MAML3: variants seen among roughly 807,000 people sequenced by gnomAD.
MAML3 encodes mastermind-like protein 3.
Under a neutral mutation model 101.9 loss-of-function variants are expected in MAML3, and 27 were observed. The ratio of observed to expected loss-of-function variants is 0.27; its 90% confidence interval spans 0.20 to 0.37. MAML3 has a LOEUF of 0.37. MAML3 is among the 10% of genes least tolerant of loss of function. The pLI, the probability that MAML3 is intolerant of heterozygous loss-of-function variation, is 1.00. For synonymous variants in MAML3, 501 were observed against 555.9 expected, an observed-to-expected ratio of 0.90 and a Z score of 1.39; for missense variants, 1,316 against 1,444.9, an observed-to-expected ratio of 0.91 and a Z score of 1.45.
At chr4:140,151,135 T>TCCCTCC (rs1209707550) in intron 1 of MAML3, among the ~76,000 whole-genome samples, 16 of 150,700 alleles carry the variant, frequency 1.1e-4, no homozygotes, top group Admixed American at 6.6e-5. Flanking sequence ...CGCCTCCCGC[T>TCCCTCC]CCCTCCCCCA....
intron 2 of MAML3, among the ~76,000 whole-genome samples, chr4:139,865,957 T>C (rs1357325995): frequency 6.6e-6 from 1 of 152,246 alleles, no homozygotes; most frequent in Non-Finnish European, 1.5e-5. Flanking sequence ...CACACAGCTG[T>C]GTGCACCTCT....
chr4:139,721,921 G>A (rs1579358152), intron 4 of MAML3, among the ~76,000 whole-genome samples: 1 of 152,166 alleles, frequency 6.6e-6, no homozygotes, highest in Non-Finnish European at 1.5e-5. Flanking sequence ...TGGCCAATAA[G>A]ATCAACTGTG....
chr4:139,938,264 G>A (rs1733543007), intron 1 of MAML3, among the ~76,000 whole-genome samples: 1 of 152,166 alleles, frequency 6.6e-6, no homozygotes, highest in African/African-American at 2.4e-5. Context: ...GCTAAGCCCT[G>A]GGCCTCAAGC....
chr4:139,931,426 G>A (rs958542660), intron 1 of MAML3, among the ~76,000 whole-genome samples: 4 of 152,100 alleles, frequency 2.6e-5, no homozygotes, highest in African/African-American at 7.2e-5. Context: ...ACCTTGTACC[G>A]TCTAAAAATT....
rs369272436 is a variant in MAML3 at position 139,889,381 on chromosome 4, G to A, written c.2055C>T (p.Tyr685=). 168 of 1,613,916 alleles carry A rather than the reference G, an allele frequency of 1.0e-4. No individual in the cohort carries two copies. The highest frequency in any genetic ancestry group is 1.4e-4 in the South Asian group (13 of 91,092). ...QKGVMNQPMA[Y]AALPSHGQEQ... is the part of the protein sequence containing the mutation. ...CCTGACCGTGGGATGGAAGTGCAGCGTAAGCCATGGGCTGATTCATCACTC... is the reference window on the plus strand; with the variant it reads ...CCTGACCGTGGGATGGAAGTGCAGCATAAGCCATGGGCTGATTCATCACTC... Residue 685 remains tyrosine, a synonymous_variant, in exon 2 of 5, where the codon TAC becomes TAT. Transcript: ENST00000509479.
At chr4:139,888,603 A>AT (rs1326065118) in intron 2 of MAML3, 9 of 518,886 alleles carry the variant, frequency 1.7e-5, no homozygotes, top group South Asian at 1.3e-4. Context: ...GTTGCTGCTC[A>AT]TTTTTTACCA....
chr4:139,742,149 CT>C (rs67056013), intron 2 of MAML3, among the ~76,000 whole-genome samples: 80,531 of 112,976 alleles, frequency 0.71, 25,501 homozygotes, highest in Middle Eastern at 0.83. Context: ...CTTTTCTTTT[CT>C]TTTTTTTTTT....
rs1553960840 is a variant in MAML3 at position 139,861,499 on chromosome 4, G to GTGTGTGTGTA, written c.2079+27857_2079+27858insTACACACACA. ...CCGATGTGTGTGTGTGTGTGTGTGT[G>GTGTGTGTGTA]TGTGTGTGTGTAGTCTCACAGGCCT... is the stretch of plus-strand genomic sequence containing the variant. On this transcript the variant is annotated intron_variant, in intron 2 of 4. Transcript: ENST00000509479. Among the ~76,000 whole-genome samples, 23 of 152,036 alleles carry GTGTGTGTGTA rather than the reference G, an allele frequency of 1.5e-4. No homozygotes were observed. The East Asian group carries it at 4.4e-3, about 29-fold the overall frequency.
At chr4:139,721,146 ATT>A (rs748447912) in intron 4 of MAML3, among the ~76,000 whole-genome samples, 3 of 152,238 alleles carry the variant, frequency 2.0e-5, no homozygotes, top group Non-Finnish European at 2.9e-5. Context: ...GGCAACGACT[ATT>A]TCTCTCAGCA....
intron 1 of MAML3, among the ~76,000 whole-genome samples, chr4:139,970,712 C>T (rs1734221513): frequency 6.6e-6 from 1 of 152,162 alleles, no homozygotes; most frequent in Non-Finnish European, 1.5e-5. Context: ...GGCTCACTCT[C>T]CTGAGGTTCT....
At chr4:139,987,773 A>G (rs1478500536) in intron 1 of MAML3, among the ~76,000 whole-genome samples, 1 of 152,030 alleles carries the variant, frequency 6.6e-6, no homozygotes, top group African/African-American at 2.4e-5. Context: ...TAATCCCAGC[A>G]CTTTGGAAGG....
Position 140,153,413 on chromosome 4 carries a change from G to GT in MAML3, c.-87dup, listed in dbSNP as rs1388096915. ...CTCCTTGGGTCCAAGGATTAAAATA[G>GT]TTTAAGTGGAACGCGGGGGAGACGC... On this transcript the variant is annotated 5_prime_UTR_variant, in exon 1 of 5. An upstream open reading frame in the 5' UTR loses its in-frame stop. Transcript: ENST00000509479. 4.7e-6 allele frequency: 6 copies of GT among 1,282,498 alleles called. No individual in the cohort carries two copies. Among genetic ancestry groups the GT allele is most frequent in the Non-Finnish European group, 5.0e-6 (5 of 1,001,690 alleles). The allele number at this position is 1,282,498 out of a possible 1,614,324, so 79.4% of individuals were successfully genotyped here.
At chr4:139,847,091 A>G (rs1560812607) in intron 2 of MAML3, among the ~76,000 whole-genome samples, 1 of 152,224 alleles carries the variant, frequency 6.6e-6, no homozygotes, top group African/African-American at 2.4e-5. Context: ...TCACCACTTG[A>G]CAAATCTCCC....
At chr4:139,810,697 G>A (rs1303338089) in intron 2 of MAML3, among the ~76,000 whole-genome samples, 1 of 151,994 alleles carries the variant, frequency 6.6e-6, no homozygotes. Flanking sequence ...AACTCTATGT[G>A]GTAGGTTTTT....
At chr4:139,919,583 G>C (rs146636027) in intron 1 of MAML3, among the ~76,000 whole-genome samples, 45 of 152,288 alleles carry the variant, frequency 3.0e-4, no homozygotes, top group African/African-American at 7.7e-4. Flanking sequence ...GAGAATCTCT[G>C]CGTGGATTCT....
At chr4:139,927,901 T>G (rs1733298125) in intron 1 of MAML3, among the ~76,000 whole-genome samples, 1 of 152,240 alleles carries the variant, frequency 6.6e-6, no homozygotes, top group African/African-American at 2.4e-5. Flanking sequence ...GCTTAGTTCC[T>G]TTTATTGGAC....
At chr4:139,867,495 AGTC>A (rs1731918803) in intron 2 of MAML3, among the ~76,000 whole-genome samples, 1 of 152,344 alleles carries the variant, frequency 6.6e-6, no homozygotes, top group South Asian at 2.1e-4. Context: ...AGCTCCTGAC[AGTC>A]ACCATATTTA....
At chr4:140,122,042 G>T (rs2095464432) in intron 1 of MAML3, among the ~76,000 whole-genome samples, 1 of 152,094 alleles carries the variant, frequency 6.6e-6, no homozygotes, top group Non-Finnish European at 1.5e-5. Flanking sequence ...CGCCATGATT[G>T]TAAGTTTCCT....
chr4:139,730,326 T>G, intron 3 of MAML3, 90 bp downstream of exon 3: 1 of 1,132,130 alleles, frequency 8.8e-7, no homozygotes, highest in Non-Finnish European at 1.3e-6. Flanking sequence ...TGATGGAGGA[T>G]GTGAACTGCC....
Sources: allele counts gnomAD v4.1 joint callset (sites outside exome capture counted in the v4.1 genomes callset), GRCh38; gene constraint gnomAD v4.1.1; transcripts MANE v1.5; gene names NCBI Gene and HGNC (gene_info 2026-07-23, HGNC 2026-07-21).